NTSR1: variants seen among roughly 807,000 people sequenced by gnomAD.
NTSR1 encodes neurotensin receptor type 1.
Under a neutral mutation model 31.2 loss-of-function variants are expected in NTSR1, and 29 were observed. That is an observed-to-expected ratio of 0.93 (90% CI 0.69 to 1.27). The LOEUF (loss-of-function observed/expected upper bound fraction) is 1.27, where lower values mean the gene tolerates loss of function less well. Ranked by LOEUF, NTSR1 falls within the 50% of genes most tolerant of loss-of-function variation. The pLI, the probability that NTSR1 is intolerant of heterozygous loss-of-function variation, is 0.00. For synonymous variants in NTSR1, 282 were observed against 269.9 expected, an observed-to-expected ratio of 1.04 and a Z score of -0.44; for missense variants, 697 against 595.4, an observed-to-expected ratio of 1.17 and a Z score of -1.78.
At chr20:62,717,677 G>T (rs1315938899) in intron 1 of NTSR1, among the ~76,000 whole-genome samples, 1 of 152,168 alleles carries the variant, frequency 6.6e-6, no homozygotes, top group African/African-American at 2.4e-5. Context: ...GGGAGGGCTG[G>T]GAGCCTCCCC....
At chr20:62,759,855 C>T (rs192394295) in intron 3 of NTSR1, among the ~76,000 whole-genome samples, 163 bp from the exon 4 acceptor site, 31 of 152,172 alleles carry the variant, frequency 2.0e-4, no homozygotes, top group Middle Eastern at 3.4e-3. Context: ...GAAGCCAGAC[C>T]CTGGAGCTTG....
At chr20:62,749,875 G>A (rs760618379) in intron 1 of NTSR1, among the ~76,000 whole-genome samples, 4 of 152,108 alleles carry the variant, frequency 2.6e-5, no homozygotes, top group Admixed American at 6.5e-5. Context: ...CGGCTGTTAC[G>A]GAAAACAGGA....
In NTSR1 at chr20:62,758,452, G is replaced by A; in HGVS notation, c.1007+96G>A. The A allele has an allele frequency of 8.7e-7, 1 of 1,151,910 alleles. No individual in the cohort carries two copies. Among genetic ancestry groups the A allele is most frequent in the Non-Finnish European group, 1.3e-6 (1 of 784,432 alleles). The allele number at this position is 1,151,910 out of a possible 1,614,324, so 71.4% of individuals were successfully genotyped here. A position where few individuals can be genotyped will look rare whatever the true frequency, so the allele number is the denominator to read the frequency against. ...AGGCACTGCTGAGGGGATCCACTCA[G>A]GGCAGGGGTGTGGTGAGTCCCCCGG... is the stretch of plus-strand genomic sequence containing the variant. On this transcript the variant is annotated intron_variant, in intron 3 of 3. Coordinates refer to ENST00000370501, the MANE Select transcript of NTSR1 (RefSeq NM_002531.3). This position sits in a 1 kb window ranked among gnomAD's most constrained non-coding sequence, Gnocchi z 4.5.
At chr20:62,751,872 G>A (rs1031317198) in intron 1 of NTSR1, among the ~76,000 whole-genome samples, 11 of 152,172 alleles carry the variant, frequency 7.2e-5, no homozygotes, top group African/African-American at 1.7e-4. Flanking sequence ...TCTTCTCCCC[G>A]ATGATCTGGA....
Position 62,754,844 on chromosome 20 carries a change from C to A in NTSR1, c.874C>A (p.Pro292Thr). ...EHSTFSMAIE[P>T]GRVQALRHGV... is the part of the protein sequence containing the mutation. ...CAGCACATTCAGCATGGCCATCGAG[C>A]CTGGCAGGGTCCAGGCCCTGCGGCA... Residue 292 changes from proline to threonine, a missense_variant, in exon 2 of 4, where the codon CCT becomes ACT. By Grantham distance (38) the Pro-to-Thr change is conservative. Transcript: ENST00000370501. The A allele has an allele frequency of 6.2e-7, 1 of 1,607,312 alleles. No individual in the cohort carries two copies. Among genetic ancestry groups the A allele is most frequent in the South Asian group, 1.1e-5 (1 of 91,060 alleles).
chr20:62,711,392 G>C lies in NTSR1; in HGVS notation c.714+1471G>C, dbSNP rs1988609976. 6.6e-6 allele frequency among the ~76,000 whole-genome samples: 1 copy of C among 152,140 alleles called. No homozygotes were observed. Among genetic ancestry groups the C allele is most frequent in the African/African-American group, 2.4e-5 (1 of 41,432 alleles). On this transcript the variant is annotated intron_variant, in intron 1 of 3. Transcript: ENST00000370501. This position sits in a 1 kb window ranked among gnomAD's most constrained non-coding sequence, Gnocchi z 6.4. ...TTGAGGCTTTATCTGCTCTCCCCAAGCTCCTGTCTTTGATTGGCATTGGCC... is the reference window on the plus strand; with the variant it reads ...TTGAGGCTTTATCTGCTCTCCCCAACCTCCTGTCTTTGATTGGCATTGGCC...
rs534785050 is a variant in NTSR1, at chr20:62,737,473, C to T, written c.715-17212C>T. On this transcript the variant is annotated intron_variant, in intron 1 of 3. Transcript: ENST00000370501. ...CTGCACCCCTGCTCATCAGGCACAG[C>T]GGCAGGCACGTGACCTCTGTGGGGC... 3.9e-5 allele frequency among the ~76,000 whole-genome samples: 6 copies of T among 152,296 alleles called. No individual in the cohort carries two copies. In the South Asian group the frequency reaches 1.2e-3, roughly 32 times the overall value.
Position 62,716,668 on chromosome 20 carries a change from C to G in NTSR1, c.714+6747C>G, listed in dbSNP as rs188509839. ...AGCTGCCGTCCGCTCAAGGCTGTTTCGGGTGGCCAGGTCCTCCCTCCTGTG... is the reference window on the plus strand; with the variant it reads ...AGCTGCCGTCCGCTCAAGGCTGTTTGGGGTGGCCAGGTCCTCCCTCCTGTG... On this transcript the variant is annotated intron_variant, in intron 1 of 3. Transcript: ENST00000370501. Among the ~76,000 whole-genome samples the G allele has an allele frequency of 9.8e-4, 102 of 103,584 alleles. 1 individual carries two copies. In the East Asian group the frequency reaches 0.035, roughly 36 times the overall value. 68.0% of individuals were successfully genotyped at this position (103,584 alleles called of 152,430 possible). A position where few individuals can be genotyped will look rare whatever the true frequency, so the allele number is the denominator to read the frequency against.
chr20:62,711,743 C>T lies in NTSR1; in HGVS notation c.714+1822C>T, dbSNP rs1261698311. ...CCCCGGAAAGTGTCCTCCCCGCGTG[C>T]GTGGGCTCTCTGCCAGGTACTTGGG... On this transcript the variant is annotated intron_variant, in intron 1 of 3. Transcript: ENST00000370501. The surrounding 1 kb of genome is among the most constrained non-coding windows in gnomAD (Gnocchi z 6.4). Among the ~76,000 whole-genome samples the T allele has an allele frequency of 1.3e-5, 2 of 152,288 alleles. No homozygotes were observed. The highest frequency in any genetic ancestry group is 3.4e-3 in the Middle Eastern group (1 of 294).
Position 62,742,889 on chromosome 20 carries a change from TG to T in NTSR1, c.715-11794del, listed in dbSNP as rs1243361294. On this transcript the variant is annotated intron_variant, in intron 1 of 3. Coordinates refer to ENST00000370501, the MANE Select transcript of NTSR1 (RefSeq NM_002531.3). The surrounding 1 kb of genome is among the most constrained non-coding windows in gnomAD (Gnocchi z 7.1). ...GGCTGTGAGGTGGTCACAGTGGCTC[TG>T]GTGTGGCCGTGGGGTTCCTGTTCAT... Among the ~76,000 whole-genome samples the T allele has an allele frequency of 6.7e-6, 1 of 149,712 alleles. No homozygotes were observed. The highest frequency in any genetic ancestry group is 1.5e-5 in the Non-Finnish European group (1 of 68,024).
In NTSR1 at chr20:62,745,434, G is replaced by A. The variant is rs961505489; in HGVS notation, c.715-9251G>A. On this transcript the variant is annotated intron_variant, in intron 1 of 3. Transcript: ENST00000370501. This position sits in a 1 kb window ranked among gnomAD's most constrained non-coding sequence, Gnocchi z 4.1. Reference sequence around the variant, plus strand: ...AGGAAAACAGACAGAGAGAGACACAGGAGAACAGAGACACAGAGATACAGA... The same window carrying A: ...AGGAAAACAGACAGAGAGAGACACAAGAGAACAGAGACACAGAGATACAGA... Among the ~76,000 whole-genome samples, 1 of 151,678 alleles carries A rather than the reference G, an allele frequency of 6.6e-6. No individual in the cohort carries two copies. Among genetic ancestry groups the A allele is most frequent in the South Asian group, 2.1e-4 (1 of 4,788 alleles).
chr20:62,709,274 C>G lies in NTSR1; in HGVS notation c.67C>G (p.Gln23Glu). The G allele has an allele frequency of 6.4e-7, 1 of 1,568,940 alleles. No individual in the cohort carries two copies. ...GGCCGCCGACCCCTTCCAGCGGGCG[C>G]AGGCCGGACTGGAGGAGGCGCTGCT... ...TPAADPFQRA[Q>E]AGLEEALLAP... The change falls in exon 1 of 4, where the codon CAG becomes GAG. Residue 23 changes from glutamine to glutamate, a missense_variant. Coordinates refer to ENST00000370501, the MANE Select transcript of NTSR1 (RefSeq NM_002531.3).
chr20:62,754,691 A>G lies in NTSR1; in HGVS notation c.721A>G (p.Thr241Ala). ...ATVKVVIQVN[T>A]FMSFIFPMVV... is the part of the protein sequence containing the mutation. ...CGCCCTTCCTCTCCTGCAGGTCAAC[A>G]CCTTCATGTCCTTCATATTCCCCAT... is the stretch of plus-strand genomic sequence containing the variant. Residue 241 changes from threonine to alanine, a missense_variant, in exon 2 of 4, where the codon ACC becomes GCC. Physicochemically the swap from Thr to Ala is moderately conservative, Grantham distance 58. Transcript: ENST00000370501. The G allele has an allele frequency of 6.2e-7, 1 of 1,611,968 alleles. No homozygotes were observed. Among genetic ancestry groups the G allele is most frequent in the Non-Finnish European group, 8.5e-7 (1 of 1,179,514 alleles).
At chr20:62,746,330 G>A (rs911699725) in intron 1 of NTSR1, among the ~76,000 whole-genome samples, 9 of 152,180 alleles carry the variant, frequency 5.9e-5, no homozygotes, top group African/African-American at 1.9e-4. Flanking sequence ...GGCCTTCCCG[G>A]AACCCCCAGC....
chr20:62,727,263 C>T (rs981547188), intron 1 of NTSR1, among the ~76,000 whole-genome samples: 4 of 152,174 alleles, frequency 2.6e-5, no homozygotes, highest in Admixed American at 1.3e-4. Flanking sequence ...CACGTAGATG[C>T]GCTCTCTCCG....
At chr20:62,738,755 G>A (rs1171365481) in intron 1 of NTSR1, among the ~76,000 whole-genome samples, 3 of 152,236 alleles carry the variant, frequency 2.0e-5, no homozygotes, top group Non-Finnish European at 2.9e-5. Context: ...GCTGGTCCTC[G>A]AGGTGGCTCC....
chr20:62,753,171 G>T (rs1183282209), intron 1 of NTSR1, among the ~76,000 whole-genome samples: 1 of 152,232 alleles, frequency 6.6e-6, no homozygotes, highest in Non-Finnish European at 1.5e-5. Context: ...GAGTGCTTCT[G>T]AGTGGAGCCG....
rs1051572784 is a variant in NTSR1 at position 62,745,998 on chromosome 20, T to C, written c.715-8687T>C. Among the ~76,000 whole-genome samples, 2 of 152,232 alleles carry C rather than the reference T, an allele frequency of 1.3e-5. No homozygotes were observed. The highest frequency in any genetic ancestry group is 2.9e-5 in the Non-Finnish European group (2 of 68,036). On this transcript the variant is annotated intron_variant, in intron 1 of 3. Transcript: ENST00000370501. The surrounding 1 kb of genome is among the most constrained non-coding windows in gnomAD (Gnocchi z 4.1). ...ATGGCCTTCAAGCTGCTTGAGTCCA[T>C]TGGACAAAGTCCCTCAAGGCCACCC... is the stretch of plus-strand genomic sequence containing the variant.
chr20:62,725,185 C>A (rs1988885778), intron 1 of NTSR1, among the ~76,000 whole-genome samples: 1 of 152,198 alleles, frequency 6.6e-6, no homozygotes, highest in South Asian at 2.1e-4. Context: ...CAGATAAGTG[C>A]AAGGGGAGGA....
Sources: allele counts gnomAD v4.1 joint callset (sites outside exome capture counted in the v4.1 genomes callset), GRCh38; gene constraint gnomAD v4.1.1; non-coding constraint Gnocchi (gnomAD v3.1); transcripts MANE v1.5; gene names NCBI Gene and HGNC (gene_info 2026-07-23, HGNC 2026-07-21).